The following KCTD8 variants were observed in gnomAD, a reference collection of about 807,000 sequenced individuals.
KCTD8 encodes the protein potassium channel tetramerization domain containing 8, also known as BTB/POZ domain-containing protein KCTD8.
In KCTD8, 27 loss-of-function variants were observed where a neutral mutation model predicts 31.5. The observed-to-expected ratio is 0.86, with a 90% CI of 0.63 to 1.18. The LOEUF is 1.18. Among genes scored for constraint, KCTD8 ranks in the 50% most tolerant of loss-of-function variants. The pLI is 0.00. For synonymous variants in KCTD8, 290 were observed against 280.0 expected (o/e 1.04, Z -0.36); for missense variants, 658 against 647.7 (o/e 1.02, Z -0.17).
chr4:44,204,559 A>T (rs868153602), intron 1 of KCTD8, among the ~76,000 whole-genome samples: 1 of 152,006 alleles, frequency 6.6e-6, no homozygotes, highest in African/African-American at 2.4e-5. Flanking sequence ...TAGAGTTGTG[A>T]GCCCTTAAAA....
chr4:44,345,660 C>A (rs1333282775), intron 1 of KCTD8, among the ~76,000 whole-genome samples: 2 of 152,126 alleles, frequency 1.3e-5, no homozygotes, highest in East Asian at 3.9e-4. Flanking sequence ...ATTGACCAAA[C>A]TTATACCTTC....
chr4:44,234,635 T>A (rs1715222502), intron 1 of KCTD8, among the ~76,000 whole-genome samples: 1 of 152,150 alleles, frequency 6.6e-6, no homozygotes, highest in South Asian at 2.1e-4. Context: ...GCTTTGACTC[T>A]CAGCTAGAGA....
intron 1 of KCTD8, among the ~76,000 whole-genome samples, chr4:44,202,298 A>C (rs1434701801): frequency 6.6e-6 from 1 of 152,160 alleles, no homozygotes; most frequent in Non-Finnish European, 1.5e-5. Flanking sequence ...GGGGATAATA[A>C]ATTGTTCTAA....
At chr4:44,384,604 T>G (rs1720160023) in intron 1 of KCTD8, among the ~76,000 whole-genome samples, 1 of 151,746 alleles carries the variant, frequency 6.6e-6, no homozygotes, top group East Asian at 1.9e-4. Context: ...GAGAGTTGAA[T>G]AGCGGTTCCT....
chr4:44,432,360 T>C (rs1256465953), intron 1 of KCTD8, among the ~76,000 whole-genome samples: 1 of 151,610 alleles, frequency 6.6e-6, no homozygotes, highest in Non-Finnish European at 1.5e-5. Flanking sequence ...TACAGATCTC[T>C]GTCCTCTTTT....
chr4:44,327,677 A>C (rs1013026407), intron 1 of KCTD8, among the ~76,000 whole-genome samples: 1 of 151,766 alleles, frequency 6.6e-6, no homozygotes, highest in African/African-American at 2.4e-5. Flanking sequence ...TCTGGGGGAA[A>C]AAAAACAAAA....
chr4:44,196,925 G>C (rs1169472306), intron 1 of KCTD8, among the ~76,000 whole-genome samples: 2 of 152,128 alleles, frequency 1.3e-5, no homozygotes, highest in Non-Finnish European at 2.9e-5. Context: ...TGGGATGCTG[G>C]GGAGCAGTCA....
intron 1 of KCTD8, among the ~76,000 whole-genome samples, chr4:44,412,345 C>T (rs1411857617): frequency 6.6e-6 from 1 of 152,192 alleles, no homozygotes; most frequent in Non-Finnish European, 1.5e-5. Flanking sequence ...CAACTTTACA[C>T]TCCCACTCTT....
intron 1 of KCTD8, among the ~76,000 whole-genome samples, chr4:44,193,928 G>A (rs1422547562): frequency 1.3e-5 from 2 of 152,114 alleles, no homozygotes; most frequent in Admixed American, 1.3e-4. Context: ...TATTTAAAAT[G>A]TAAATCCTAC....
At chr4:44,237,235 C>CT (rs112723265) in intron 1 of KCTD8, among the ~76,000 whole-genome samples, 141 of 149,076 alleles carry the variant, frequency 9.5e-4, no homozygotes, top group South Asian at 2.6e-3. Context: ...TTTATGCTCC[C>CT]TTTTTTTTTT....
intron 1 of KCTD8, among the ~76,000 whole-genome samples, chr4:44,428,122 T>C (rs1721391141): frequency 6.6e-6 from 1 of 151,690 alleles, no homozygotes. Flanking sequence ...TCCAAACAAG[T>C]ATAAAAGAAA....
intron 1 of KCTD8, among the ~76,000 whole-genome samples, chr4:44,272,337 A>AT (rs1453314642): frequency 6.6e-6 from 1 of 151,900 alleles, no homozygotes; most frequent in African/African-American, 2.4e-5. Flanking sequence ...AAGCAAAAAA[A>AT]TTTTTTTAAA....
chr4:44,436,275 ATAC>A (rs1721642214), intron 1 of KCTD8, among the ~76,000 whole-genome samples: 1 of 152,114 alleles, frequency 6.6e-6, no homozygotes, highest in South Asian at 2.1e-4. Flanking sequence ...AATTTAAATG[ATAC>A]TACAAGAAAG....
At chr4:44,196,237 C>T (rs531474859) in intron 1 of KCTD8, among the ~76,000 whole-genome samples, 53 of 152,260 alleles carry the variant, frequency 3.5e-4, no homozygotes, top group Admixed American at 3.5e-3. Flanking sequence ...ATAGAGAAAT[C>T]CATAGTTCTT....
At chr4:44,346,165 GT>G (rs1719032216) in intron 1 of KCTD8, among the ~76,000 whole-genome samples, 1 of 152,038 alleles carries the variant, frequency 6.6e-6, no homozygotes, top group African/African-American at 2.4e-5. Context: ...CAGTTTCCAA[GT>G]TTTTTATTCA....
At chr4:44,250,640 C>G (rs1036160752) in intron 1 of KCTD8, among the ~76,000 whole-genome samples, 1 of 151,688 alleles carries the variant, frequency 6.6e-6, no homozygotes, top group Non-Finnish European at 1.5e-5. Flanking sequence ...CTTGGCTTTA[C>G]CCTGTGAGTA....
intron 1 of KCTD8, among the ~76,000 whole-genome samples, chr4:44,327,664 GACTC>G (rs1255992151): frequency 1.3e-5 from 2 of 151,388 alleles, no homozygotes. Context: ...AAAATATAAA[GACTC>G]TGGGGGAAAA....
At chr4:44,378,596 C>A (rs915353512) in intron 1 of KCTD8, among the ~76,000 whole-genome samples, 6 of 151,910 alleles carry the variant, frequency 3.9e-5, no homozygotes. Context: ...TGCTCTAGAG[C>A]AATAATTAAG....
chr4:44,278,099 T>C (rs1198332871), intron 1 of KCTD8, among the ~76,000 whole-genome samples: 1 of 152,002 alleles, frequency 6.6e-6, no homozygotes, highest in African/African-American at 2.4e-5. Context: ...TTCATCACTT[T>C]TGGTTTCCTC....
Sources: gnomAD v4.1 joint callset for allele counts (sites outside exome capture counted in the v4.1 genomes callset) on GRCh38, gnomAD v4.1.1 for gene constraint, MANE v1.5 for transcripts, NCBI Gene and HGNC (gene_info 2026-07-23, HGNC 2026-07-21) for gene names.